The following NRXN1 variants were observed in gnomAD, a reference collection of about 807,000 sequenced individuals.
The protein encoded by NRXN1 is neurexin 1.
NRXN1 carries 39 observed loss-of-function variants against 150.9 expected under a neutral mutation model. The ratio of observed to expected loss-of-function variants is 0.26; its 90% CI spans 0.20 to 0.34. The LOEUF is 0.34. Among genes scored for constraint, NRXN1 ranks in the 10% least tolerant of loss-of-function variants. The probability of loss-of-function intolerance (pLI) is 1.00; values close to 1 mark genes in which losing one functional copy is unlikely to be tolerated. For synonymous variants in NRXN1, 924 were observed against 757.0 expected (o/e 1.22, Z -3.62); for missense variants, 1,815 against 1,949.9 (o/e 0.93, Z 1.30).
intron 5 of NRXN1, among the ~76,000 whole-genome samples, chr2:50,789,246 T>C (rs780384073): frequency 5.3e-4 from 81 of 152,278 alleles, no homozygotes; most frequent in Non-Finnish European, 9.3e-4. Flanking sequence ...CTTCCACATA[T>C]AGGCAACAAG....
intron 5 of NRXN1, among the ~76,000 whole-genome samples, chr2:50,747,791 T>A (rs540767779): frequency 6.6e-6 from 1 of 152,168 alleles, no homozygotes; most frequent in Non-Finnish European, 1.5e-5. Context: ...GTTTCTTCTA[T>A]GAACAGCCTA....
intron 5 of NRXN1, among the ~76,000 whole-genome samples, chr2:50,663,023 G>T (rs1432813470): frequency 5.3e-5 from 8 of 151,998 alleles, no homozygotes. Context: ...TAGGATGCAT[G>T]GAGCACTATT....
chr2:50,329,665 ATATATATAT>A (rs1412810607), intron 17 of NRXN1, among the ~76,000 whole-genome samples: 299 of 25,180 alleles, frequency 0.012, 13 homozygotes, highest in East Asian at 0.036. Context: ...ATATATATAT[ATATATATAT>A]TTTTTTTTTT....
At chr2:50,548,847 C>A (rs1192999240) in intron 9 of NRXN1, among the ~76,000 whole-genome samples, 2 of 152,038 alleles carry the variant, frequency 1.3e-5, no homozygotes, top group Non-Finnish European at 2.9e-5. Flanking sequence ...CATTATATTT[C>A]TATTTACTTT....
chr2:50,412,757 A>G (rs1289864549), intron 17 of NRXN1, among the ~76,000 whole-genome samples: 2 of 152,206 alleles, frequency 1.3e-5, no homozygotes, highest in Non-Finnish European at 2.9e-5. Flanking sequence ...TATATGACAG[A>G]CATACCTTTT....
At chr2:50,327,380 G>A (rs2076454255) in intron 17 of NRXN1, among the ~76,000 whole-genome samples, 1 of 152,166 alleles carries the variant, frequency 6.6e-6, no homozygotes, top group African/African-American at 2.4e-5. Context: ...GGGCAGAGGA[G>A]AACTGTGACT....
rs956481484 is a variant in NRXN1, at chr2:50,047,315, C to T, written c.4128+5956G>A. ...TGTACTTTTTGAGTTTCCATCTCTTCCTCAGACATATATATATATGTCTGA... is the reference window on the plus strand; with the variant it reads ...TGTACTTTTTGAGTTTCCATCTCTTTCTCAGACATATATATATATGTCTGA... On this transcript the variant is annotated intron_variant, in intron 21 of 22. Transcript: ENST00000401669. Among the ~76,000 whole-genome samples the T allele has an allele frequency of 5.3e-5, 8 of 151,878 alleles. No individual in the cohort carries two copies. The East Asian group carries it at 1.2e-3, about 22-fold the overall frequency.
chr2:49,964,557 A>T (rs1003240723), intron 21 of NRXN1, among the ~76,000 whole-genome samples: 2 of 145,154 alleles, frequency 1.4e-5, no homozygotes. Flanking sequence ...TTCAGCAAAA[A>T]AGCCAGGCCT....
intron 18 of NRXN1, among the ~76,000 whole-genome samples, chr2:50,139,047 C>T (rs987954501): frequency 3.3e-5 from 5 of 152,034 alleles, no homozygotes; most frequent in East Asian, 1.9e-4. Context: ...TGCATGTGGA[C>T]GGGCAAGGTG....
At chr2:50,196,333 A>G (rs1392151784) in intron 18 of NRXN1, among the ~76,000 whole-genome samples, 2 of 152,158 alleles carry the variant, frequency 1.3e-5, no homozygotes, top group Non-Finnish European at 2.9e-5. Context: ...CTATCATACA[A>G]AAACACTGTT....
At chr2:50,253,880 T>TG (rs879279080) in intron 17 of NRXN1, among the ~76,000 whole-genome samples, 28 of 151,888 alleles carry the variant, frequency 1.8e-4, no homozygotes, top group African/African-American at 2.9e-4. Context: ...TTTCTTTTTT[T>TG]TTGTTGTATC....
chr2:50,127,285 A>G (rs1288113027), intron 18 of NRXN1, among the ~76,000 whole-genome samples: 1 of 152,178 alleles, frequency 6.6e-6, no homozygotes, highest in Admixed American at 6.5e-5. Flanking sequence ...GCCACTTTAC[A>G]TTTACACCAA....
intron 5 of NRXN1, among the ~76,000 whole-genome samples, chr2:50,803,789 C>T (rs1051567188): frequency 6.6e-6 from 1 of 152,124 alleles, no homozygotes; most frequent in Non-Finnish European, 1.5e-5. Context: ...TGTAGCTCAG[C>T]AATTTCTTTT....
At chr2:49,996,461 A>G (rs567983934) in intron 21 of NRXN1, among the ~76,000 whole-genome samples, 1 of 152,328 alleles carries the variant, frequency 6.6e-6, no homozygotes, top group South Asian at 2.1e-4. Context: ...TCTACTTTCT[A>G]ATCTCTGGAA....
intron 2 of NRXN1, chr2:50,979,142 T>C (rs1575112474): frequency 5.0e-6 from 2 of 402,276 alleles, no homozygotes; most frequent in Admixed American, 3.0e-5. Context: ...TTTAAAACCT[T>C]GATATAGCTA....
chr2:50,603,832 A>T (rs893101511), intron 8 of NRXN1, among the ~76,000 whole-genome samples: 2 of 152,112 alleles, frequency 1.3e-5, no homozygotes, highest in Non-Finnish European at 2.9e-5. Context: ...CTCCACATAG[A>T]CTGGTCAACC....
At position 50,354,586 on chromosome 2, in the gene NRXN1, T is replaced by TATATAC. The variant is rs1273118975; in HGVS notation, c.3364+110855_3364+110856insGTATAT. ...ATATATATATATATATATATATATA[T>TATATAC]ACACACACACACTAGCTTTTTGCTG... is the stretch of plus-strand genomic sequence containing the variant. On this transcript the variant is annotated intron_variant, in intron 17 of 22. Transcript: ENST00000401669. Among the ~76,000 whole-genome samples the TATATAC allele has an allele frequency of 3.0e-3, 368 of 124,730 alleles. 2 individuals carry two copies. The highest frequency in any genetic ancestry group is 4.8e-3 in the Admixed American group (57 of 11,992). The allele number at this position is 124,730 out of a possible 152,430, so 81.8% of individuals were successfully genotyped here.
intron 21 of NRXN1, among the ~76,000 whole-genome samples, chr2:49,988,063 C>G (rs577296588): frequency 3.0e-4 from 45 of 151,856 alleles, no homozygotes; most frequent in Non-Finnish European, 5.9e-4. Flanking sequence ...TGAAAGGCAC[C>G]CACTTAGTAA....
At chr2:50,904,707 CATA>C (rs1348566141) in intron 5 of NRXN1, among the ~76,000 whole-genome samples, 53 of 152,110 alleles carry the variant, frequency 3.5e-4, no homozygotes, top group African/African-American at 1.2e-3. Flanking sequence ...TATCTAGATA[CATA>C]ATATTTTTGC....
Sources: allele counts gnomAD v4.1 joint callset (sites outside exome capture counted in the v4.1 genomes callset), GRCh38; gene constraint gnomAD v4.1.1; transcripts MANE v1.5; gene names NCBI Gene and HGNC (gene_info 2026-07-23, HGNC 2026-07-21).